TKFC: variants seen among roughly 807,000 people sequenced by gnomAD.
TKFC encodes the protein triokinase/FMN cyclase.
Under a neutral mutation model 61.0 loss-of-function variants are expected in TKFC, and 46 were observed. The observed-to-expected ratio is 0.75, with a 90% CI of 0.60 to 0.96. The LOEUF is 0.96. Among genes scored for constraint, TKFC ranks in the 50% least tolerant of loss-of-function variants. The pLI is 0.00. For missense variants in TKFC, 715 were observed against 777.5 expected (o/e 0.92, Z 0.96); for synonymous variants, 314 against 330.1 (o/e 0.95, Z 0.53).
chr11:61,350,565 A>C, downstream of TKFC: 3 of 1,002,840 alleles, frequency 3.0e-6, no homozygotes, highest in South Asian at 4.5e-5. Flanking sequence ...AAAGTCCCTG[A>C]GCCTGGTACA....
At position 61,343,937 on chromosome 11, in the gene TKFC, C is replaced by A. The variant is rs755227035; in HGVS notation, c.1064C>A (p.Ala355Asp). ...TGRKRSRVAP[A>D]EPQEAPDSTA... ...CGGAAGCGGAGCCGGGTAGCCCCTG[C>A]CGAGCCCCAGGAGGCCCCTGATTCC... The change falls in exon 12 of 18, where the codon GCC becomes GAC. Residue 355 changes from alanine (A) to aspartate (D), a missense_variant. By Grantham distance (126) the Ala-to-Asp change is moderately radical (BLOSUM62 -2). Coordinates refer to ENST00000394900, the MANE Select transcript of TKFC (RefSeq NM_015533.4). 6.2e-6 allele frequency: 10 copies of A among 1,611,486 alleles called. No individual in the cohort carries two copies. Among genetic ancestry groups the A allele is most frequent in the Non-Finnish European group, 3.4e-6 (4 of 1,180,000 alleles).
chr11:61,344,664 G>A (rs759464285), intron 13 of TKFC, among the ~76,000 whole-genome samples: 2 of 152,136 alleles, frequency 1.3e-5, no homozygotes, highest in Non-Finnish European at 2.9e-5. Context: ...ACACCCGGCC[G>A]ACAGGGACCT....
chr11:61,352,930 T>C, downstream of TKFC: 1 of 1,613,568 alleles, frequency 6.2e-7, no homozygotes, highest in South Asian at 1.1e-5. Context: ...GTGTATCTTT[T>C]GAAGACCCTA....
chr11:61,345,608 G>A (rs1337568080), intron 15 of TKFC, 43 bp downstream of exon 15: 1 of 1,612,010 alleles, frequency 6.2e-7, no homozygotes, highest in Non-Finnish European at 8.5e-7. Context: ...TGGGCTGGGG[G>A]AGGTGTTTGG....
In TKFC at chr11:61,346,113, T is replaced by C. The variant is rs769597541; in HGVS notation, c.1575+167T>C. 14 of 1,148,344 alleles carry C rather than the reference T, an allele frequency of 1.2e-5. No individual in the cohort carries two copies. Among genetic ancestry groups the C allele is most frequent in the Non-Finnish European group, 1.7e-5 (14 of 830,394 alleles). 71.1% of individuals were successfully genotyped at this position (1,148,344 alleles called of 1,614,324 possible). A position where few individuals can be genotyped will look rare whatever the true frequency, so the allele number is the denominator to read the frequency against. ...GAAGGTGGTTATGTGGCTAAGGAAA[T>C]ATGTAGAGCCCCGCACACTGCCTGG... On this transcript the variant is annotated intron_variant, in intron 17 of 17. Coordinates refer to ENST00000394900, the MANE Select transcript of TKFC (RefSeq NM_015533.4). The surrounding 1 kb of genome is among the most constrained non-coding windows in gnomAD (Gnocchi z 4.1).
Position 61,342,188 on chromosome 11 carries a change from C to T in TKFC, c.656-273C>T, listed in dbSNP as rs1856885938. On this transcript the variant is annotated intron_variant, in intron 7 of 17. Transcript: ENST00000394900. ...CCTCCTGTCCCTGCCAGAATACACC[C>T]TTCTTTCAACGGCTGTTCAAAGATC... The T allele has an allele frequency of 1.3e-5, 8 of 612,192 alleles. No homozygotes were observed. The South Asian group carries it at 1.6e-4, about 12-fold the overall frequency. The allele number at this position is 612,192 out of a possible 1,614,324, so 37.9% of individuals were successfully genotyped here. A position where few individuals can be genotyped will look rare whatever the true frequency, so the allele number is the denominator to read the frequency against.
rs1035811119 is a variant in TKFC at position 61,333,774 on chromosome 11, A to AG, written c.-110+448dup. ...GAGAGCCGTCAGCCCTGCAGCCTCC[A>AG]GGGTACCCCACATCAAACAGGCTCC... is the stretch of plus-strand genomic sequence containing the variant. On this transcript the variant is annotated intron_variant, in intron 1 of 17. Transcript: ENST00000394900. 1.7e-4 allele frequency: 26 copies of AG among 152,364 alleles called. 1 individual carries two copies. Among genetic ancestry groups the AG allele is most frequent in the African/African-American group, 6.3e-4 (26 of 41,542 alleles). 9.4% of individuals were successfully genotyped at this position (152,364 alleles called of 1,614,324 possible).
In TKFC at chr11:61,340,072, G is replaced by A. The variant is rs372361483; in HGVS notation, c.486+637G>A. Reference sequence around the variant, plus strand: ...GTTGCCCAGGCTGGAATGCAGTGGCGCGATCTTGGCTCACTGCAGTCTCCG... The same window carrying A: ...GTTGCCCAGGCTGGAATGCAGTGGCACGATCTTGGCTCACTGCAGTCTCCG... On this transcript the variant is annotated intron_variant, in intron 5 of 17. Transcript: ENST00000394900. Among the ~76,000 whole-genome samples, 51 of 151,834 alleles carry A rather than the reference G, an allele frequency of 3.4e-4. No homozygotes were observed. The South Asian group carries it at 7.9e-3, about 24-fold the overall frequency.
rs1317180827 is a variant in TKFC, at chr11:61,346,444, C to T, written c.1669C>T (p.Pro557Ser). 2 of 1,610,994 alleles carry T rather than the reference C, an allele frequency of 1.2e-6. No individual in the cohort carries two copies. Among genetic ancestry groups the T allele is most frequent in the Non-Finnish European group, 1.7e-6 (2 of 1,179,572 alleles). ...ISSARLEQPDPGAVAAAAILR... is the reference protein window; with the variant it reads ...ISSARLEQPDSGAVAAAAILR... ...CTCAGCACGGCTGGAGCAGCCAGACCCCGGGGCGGTGGCAGCTGCTGCCAT... is the reference window on the plus strand; with the variant it reads ...CTCAGCACGGCTGGAGCAGCCAGACTCCGGGGCGGTGGCAGCTGCTGCCAT... The change falls in exon 18 of 18, where the codon CCC becomes TCC. Residue 557 changes from proline (P) to serine (S), a missense_variant. Pro to Ser is a moderately conservative substitution (Grantham distance 74, BLOSUM62 -1). Coordinates refer to ENST00000394900, the MANE Select transcript of TKFC (RefSeq NM_015533.4). The surrounding 1 kb of genome is among the most constrained non-coding windows in gnomAD (Gnocchi z 4.1).
intron 10 of TKFC, 187 bp from the exon 11 acceptor site, chr11:61,343,155 C>T (rs972679939): frequency 5.4e-5 from 34 of 627,638 alleles, no homozygotes; most frequent in South Asian, 9.7e-5. Flanking sequence ...TCATCTTCCC[C>T]GACGTAGGGG....
chr11:61,342,401 A>G, intron 7 of TKFC, 60 bp from the exon 8 acceptor site: 1 of 1,611,664 alleles, frequency 6.2e-7, no homozygotes, highest in Middle Eastern at 1.8e-4. Context: ...GTCCTTGATA[A>G]AAACGATGAG....
At chr11:61,341,397 AC>A (rs1856844446) in intron 5 of TKFC, 38 bp from the exon 6 acceptor site, 2 of 1,548,652 alleles carry the variant, frequency 1.3e-6, no homozygotes, top group South Asian at 2.4e-5. Context: ...GTACAGTGAT[AC>A]CCTCCCCCCT....
chr11:61,352,700 C>G, downstream of TKFC: 1 of 806,978 alleles, frequency 1.2e-6, no homozygotes, highest in African/African-American at 1.8e-5. Flanking sequence ...ACAACAATAC[C>G]AATCAATACC....
chr11:61,338,955 C>T, intron 3 of TKFC, 111 bp from the exon 4 acceptor site: 1 of 893,510 alleles, frequency 1.1e-6, no homozygotes, highest in Non-Finnish European at 1.7e-6. Context: ...TCTTTGAGCA[C>T]CAAGCACACA....
chr11:61,337,270 C>T (rs61895897), intron 2 of TKFC, among the ~76,000 whole-genome samples: 8 of 152,290 alleles, frequency 5.3e-5, no homozygotes, highest in South Asian at 2.1e-4. Flanking sequence ...CTCAGCCTTC[C>T]GACTAGTGGG....
rs768353683 is a variant in TKFC at position 61,339,023 on chromosome 11, C to G, written c.194-43C>G. On this transcript the variant is annotated intron_variant, in intron 3 of 17. Coordinates refer to ENST00000394900, the MANE Select transcript of TKFC (RefSeq NM_015533.4). The stretch of plus-strand genomic sequence containing the variant: ...TGGGAAGCCCCAGTGACTACAGGCG[C>G]GAGTCCCACCCAGCATGCTCACTCC... 5 of 1,562,376 alleles carry G rather than the reference C, an allele frequency of 3.2e-6. No individual in the cohort carries two copies. In the African/African-American group the frequency reaches 5.4e-5, roughly 17 times the overall value.
Position 61,347,570 on chromosome 11 carries a change from G to A in TKFC, c.*1067G>A. The A allele has an allele frequency of 3.0e-6, 3 of 983,802 alleles. No individual in the cohort carries two copies. Among genetic ancestry groups the A allele is most frequent in the Non-Finnish European group, 3.6e-6 (3 of 830,020 alleles). 60.9% of individuals were successfully genotyped at this position (983,802 alleles called of 1,614,324 possible). A position where few individuals can be genotyped will look rare whatever the true frequency, so the allele number is the denominator to read the frequency against. On this transcript the variant is annotated 3_prime_UTR_variant, in exon 18 of 18. Coordinates refer to ENST00000394900, the MANE Select transcript of TKFC (RefSeq NM_015533.4). Reference sequence around the variant, plus strand: ...AAAAAAAAAAAAAAAAGAAACTGCAGCCAAGCCAGCCCCTAGGTCTCTTTC... The same window carrying A: ...AAAAAAAAAAAAAAAAGAAACTGCAACCAAGCCAGCCCCTAGGTCTCTTTC...
In TKFC at chr11:61,345,884, G is replaced by A. The variant is rs1857099023; in HGVS notation, c.1513G>A (p.Glu505Lys). The change falls in exon 17 of 18, where the codon GAG (glutamate) becomes AAG (lysine). Residue 505 changes from glutamate (E) to lysine (K), a missense_variant. By Grantham distance (56) the Glu-to-Lys change is moderately conservative. Coordinates refer to ENST00000394900, the MANE Select transcript of TKFC (RefSeq NM_015533.4). ...GGATTCTCTGTGGGCAGCGGGGCAG[G>A]AGCTCCAAGCCTGGAAGAGCCCAGG... ...MLDSLWAAGQ[E>K]LQAWKSPGAD... is the part of the protein sequence containing the mutation. 6.2e-7 allele frequency: 1 copy of A among 1,614,010 alleles called. No individual in the cohort carries two copies. Among genetic ancestry groups the A allele is most frequent in the African/African-American group, 1.3e-5 (1 of 74,914 alleles).
At chr11:61,344,341 C>T (rs1857013272) in intron 13 of TKFC, 68 bp downstream of exon 13, 1 of 1,532,774 alleles carries the variant, frequency 6.5e-7, no homozygotes, top group Admixed American at 2.1e-5. Flanking sequence ...ACTTGTTTCC[C>T]TGAAGGCAGG....
Sources: allele counts gnomAD v4.1 joint callset (sites outside exome capture counted in the v4.1 genomes callset), GRCh38; gene constraint gnomAD v4.1.1; non-coding constraint Gnocchi (gnomAD v3.1); transcripts MANE v1.5; gene names NCBI Gene and HGNC (gene_info 2026-07-23, HGNC 2026-07-21).